LRRC28: variants seen among roughly 807,000 people sequenced by gnomAD.
LRRC28 encodes the protein leucine-rich repeat-containing protein 28.
A neutral mutation model predicts 45.7 loss-of-function variants in LRRC28; 39 were observed. The ratio of observed to expected loss-of-function variants is 0.85; its 90% CI spans 0.66 to 1.12. The LOEUF is 1.12. LRRC28 is among the 50% of genes most tolerant of loss of function. LRRC28 has a pLI of 0.00. For missense variants in LRRC28, 435 were observed against 438.5 expected (o/e 0.99, Z 0.07); for synonymous variants, 206 against 178.8 (o/e 1.15, Z -1.22).
chr15:99,297,836 A>G (rs928043903), intron 5 of LRRC28, among the ~76,000 whole-genome samples: 1 of 152,030 alleles, frequency 6.6e-6, no homozygotes, highest in Non-Finnish European at 1.5e-5. Context: ...TTATTTACAA[A>G]CTTTTACAAG....
chr15:99,268,506 G>A (rs2081389697), intron 2 of LRRC28, among the ~76,000 whole-genome samples: 1 of 152,194 alleles, frequency 6.6e-6, no homozygotes, highest in African/African-American at 2.4e-5. Flanking sequence ...GTTTCCACAA[G>A]TTTAAATTCA....
intron 2 of LRRC28, among the ~76,000 whole-genome samples, chr15:99,261,124 G>A (rs1232498915): frequency 6.6e-6 from 1 of 152,142 alleles, no homozygotes; most frequent in African/African-American, 2.4e-5. Context: ...TTTGTAGGAC[G>A]ATTGCATGAC....
In LRRC28 at chr15:99,314,916, G is replaced by A. The variant is rs1045960231; in HGVS notation, c.386-19007G>A. Reference sequence around the variant, plus strand: ...TACTTCATTCTTGCAGATTCATATAGCTAAAGACAAATGTAAATCTTTGGT... The same window carrying A: ...TACTTCATTCTTGCAGATTCATATAACTAAAGACAAATGTAAATCTTTGGT... On this transcript the variant is annotated intron_variant, in intron 5 of 9. Transcript: ENST00000301981. Among the ~76,000 whole-genome samples, 7 of 152,100 alleles carry A rather than the reference G, an allele frequency of 4.6e-5. No individual in the cohort carries two copies. The East Asian group carries it at 9.6e-4, about 21-fold the overall frequency.
At chr15:99,310,660 G>C (rs1955371482) in intron 5 of LRRC28, among the ~76,000 whole-genome samples, 1 of 152,196 alleles carries the variant, frequency 6.6e-6, no homozygotes, top group African/African-American at 2.4e-5. Context: ...TGAAAATTCT[G>C]TAAGACAAAA....
intron 5 of LRRC28, among the ~76,000 whole-genome samples, chr15:99,299,272 C>G (rs192671733): frequency 0.011 from 1,745 of 152,056 alleles, 34 homozygotes; most frequent in African/African-American, 0.039. Context: ...ATTTTTCTAC[C>G]TTGATTTCAA....
intron 9 of LRRC28, among the ~76,000 whole-genome samples, chr15:99,378,933 T>C (rs1957729135): frequency 6.6e-6 from 1 of 152,170 alleles, no homozygotes; most frequent in Non-Finnish European, 1.5e-5. Flanking sequence ...GCTGCTGGAT[T>C]CGGTTTCCCA....
At chr15:99,343,910 T>A (rs1162512180) in intron 6 of LRRC28, among the ~76,000 whole-genome samples, 1 of 151,430 alleles carries the variant, frequency 6.6e-6, no homozygotes, top group Non-Finnish European at 1.5e-5. Context: ...TGCTTGGGGG[T>A]TTTTGCCAGC....
chr15:99,329,857 T>C (rs76522936), intron 5 of LRRC28, among the ~76,000 whole-genome samples: 6,623 of 152,260 alleles, frequency 0.043, 200 homozygotes, highest in Non-Finnish European at 0.067. Flanking sequence ...GTGGTATGCG[T>C]GTATGCATTT....
intron 9 of LRRC28, among the ~76,000 whole-genome samples, chr15:99,381,141 C>G (rs1215249811): frequency 6.6e-6 from 1 of 152,120 alleles, no homozygotes; most frequent in Non-Finnish European, 1.5e-5. Flanking sequence ...CAGCTTGGTT[C>G]CATTCTCCCC....
intron 2 of LRRC28, chr15:99,258,886 TACG>T: frequency 1.4e-6 from 1 of 712,028 alleles, no homozygotes. Context: ...ACTTCCGTGA[TACG>T]ATGCCTAAGA....
intron 6 of LRRC28, among the ~76,000 whole-genome samples, chr15:99,351,857 G>T (rs948230282): frequency 6.6e-6 from 1 of 152,192 alleles, no homozygotes; most frequent in Non-Finnish European, 1.5e-5. Flanking sequence ...TGAATATAAC[G>T]TGGGCAAGTA....
chr15:99,311,909 G>A (rs781002630), intron 5 of LRRC28, among the ~76,000 whole-genome samples: 11 of 152,100 alleles, frequency 7.2e-5, no homozygotes, highest in Non-Finnish European at 1.3e-4. Flanking sequence ...GTAACAGTGA[G>A]GAAAGTGGAA....
At chr15:99,284,129 T>C (rs2081890388) in intron 3 of LRRC28, among the ~76,000 whole-genome samples, 1 of 152,210 alleles carries the variant, frequency 6.6e-6, no homozygotes, top group Admixed American at 6.5e-5. Flanking sequence ...GAGCCCGCTC[T>C]CTGATCCACT....
chr15:99,287,394 G>T, intron 4 of LRRC28, 100 bp downstream of exon 4: 2 of 875,588 alleles, frequency 2.3e-6, no homozygotes, highest in Non-Finnish European at 3.3e-6. Flanking sequence ...TAATTTTTTA[G>T]CTTCAAAACT....
chr15:99,373,542 A>G (rs1180744561), intron 9 of LRRC28, among the ~76,000 whole-genome samples: 1 of 152,170 alleles, frequency 6.6e-6, no homozygotes, highest in African/African-American at 2.4e-5. Flanking sequence ...GCAATTATAC[A>G]ATTTTAGTTA....
At chr15:99,350,756 C>A (rs191325693) in intron 6 of LRRC28, among the ~76,000 whole-genome samples, 4 of 152,272 alleles carry the variant, frequency 2.6e-5, no homozygotes, top group Non-Finnish European at 4.4e-5. Flanking sequence ...GTAAGCAGAA[C>A]CCTAGAAAAC....
intron 9 of LRRC28, among the ~76,000 whole-genome samples, chr15:99,371,067 C>G (rs1957471210): frequency 6.7e-6 from 1 of 150,226 alleles, no homozygotes; most frequent in African/African-American, 2.5e-5. Flanking sequence ...GATCGCGCCA[C>G]TGCACTCCAG....
chr15:99,259,970 G>C (rs1437115935), intron 2 of LRRC28: 29 of 643,470 alleles, frequency 4.5e-5, no homozygotes, highest in Non-Finnish European at 7.5e-5. Context: ...AACAGATGAA[G>C]AAAAACAAGA....
chr15:99,307,103 G>C (rs1955213098), intron 5 of LRRC28, among the ~76,000 whole-genome samples: 1 of 152,148 alleles, frequency 6.6e-6, no homozygotes. Context: ...GTAAACACTG[G>C]GGGCAGGTAA....
Sources: allele counts gnomAD v4.1 joint callset (sites outside exome capture counted in the v4.1 genomes callset), GRCh38; gene constraint gnomAD v4.1.1; transcripts MANE v1.5; gene names NCBI Gene and HGNC (gene_info 2026-07-23, HGNC 2026-07-21).